The following KCNMB2 variants were observed in gnomAD, a reference collection of about 807,000 sequenced individuals.
KCNMB2 encodes potassium calcium-activated channel subfamily M regulatory beta subunit 2.
KCNMB2 carries 9 observed loss-of-function variants against 24.5 expected under a neutral mutation model. The ratio of observed to expected loss-of-function variants is 0.37; its 90% CI spans 0.22 to 0.64. The LOEUF is 0.64. KCNMB2 is among the 30% of genes least tolerant of loss of function. KCNMB2 has a pLI of 0.63. For synonymous variants in KCNMB2, 109 were observed against 104.4 expected, an observed-to-expected ratio of 1.04 and a Z score of -0.27; for missense variants, 226 against 284.3, an observed-to-expected ratio of 0.79 and a Z score of 1.47.
intron 1 of KCNMB2, among the ~76,000 whole-genome samples, chr3:178,567,225 G>A (rs1269231900): frequency 3.9e-5 from 6 of 152,116 alleles, no homozygotes; most frequent in African/African-American, 1.4e-4. Flanking sequence ...ACATGTGTGA[G>A]AGCGTGTGAG....
chr3:178,757,614 A>G (rs183571682), intron 1 of KCNMB2, among the ~76,000 whole-genome samples: 1 of 47,382 alleles, frequency 2.1e-5, no homozygotes, highest in African/African-American at 9.3e-5. Flanking sequence ...ATGTATATAT[A>G]TCCAAGAGGA....
chr3:178,671,533 G>A (rs4488810), intron 1 of KCNMB2, among the ~76,000 whole-genome samples: 108,473 of 151,972 alleles, frequency 0.71, 39,118 homozygotes, highest in African/African-American at 0.85. Context: ...GTCTCAGAGC[G>A]GCAAGCTCTG....
chr3:178,690,834 G>T (rs184659642), intron 1 of KCNMB2, among the ~76,000 whole-genome samples: 1 of 152,164 alleles, frequency 6.6e-6, no homozygotes, highest in South Asian at 2.1e-4. Context: ...TGCTTCAAAC[G>T]TTTTGGCAGG....
intron 1 of KCNMB2, among the ~76,000 whole-genome samples, chr3:178,758,951 TCTCCAAGAGGG>T (rs1464500303): frequency 1.3e-4 from 2 of 15,106 alleles, no homozygotes; most frequent in African/African-American, 6.2e-4. Context: ...TATATATATA[TCTCCAAGAGGG>T]ATATATATAT....
chr3:178,814,325 T>C (rs1262779610), intron 2 of KCNMB2, among the ~76,000 whole-genome samples: 4 of 152,226 alleles, frequency 2.6e-5, no homozygotes, highest in Admixed American at 1.3e-4. Context: ...TTTCATTCTT[T>C]TTTATGGCTG....
In KCNMB2 at chr3:178,844,328, T is replaced by C. The variant is rs1715530483; in HGVS notation, c.*1391T>C. ...AATCTGATGAAATGGAAAATTATTC[T>C]GCAATATTGTAATTCATAGTTTGAC... On this transcript the variant is annotated 3_prime_UTR_variant, in exon 5 of 5. Transcript: ENST00000452583. The C allele has an allele frequency of 6.6e-6, 1 of 152,518 alleles. No individual in the cohort carries two copies. The highest frequency in any genetic ancestry group is 2.4e-5 in the African/African-American group (1 of 41,462). The allele number at this position is 152,518 out of a possible 1,614,324, so 9.4% of individuals were successfully genotyped here. A position where few individuals can be genotyped will look rare whatever the true frequency, so the allele number is the denominator to read the frequency against.
intron 1 of KCNMB2, among the ~76,000 whole-genome samples, chr3:178,584,285 A>G (rs1260930420): frequency 6.6e-6 from 1 of 152,240 alleles, no homozygotes; most frequent in Non-Finnish European, 1.5e-5. Flanking sequence ...AGGTTGGTGT[A>G]TTAGAGGATT....
chr3:178,568,369 TG>T (rs1487579701), intron 1 of KCNMB2, among the ~76,000 whole-genome samples: 1 of 152,210 alleles, frequency 6.6e-6, no homozygotes, highest in Non-Finnish European at 1.5e-5. Flanking sequence ...CCAGCTTGGA[TG>T]TATGTTCCTG....
chr3:178,690,894 T>C (rs980894657), intron 1 of KCNMB2, among the ~76,000 whole-genome samples: 1 of 152,106 alleles, frequency 6.6e-6, no homozygotes, highest in Non-Finnish European at 1.5e-5. Context: ...TAGCGATCTA[T>C]AGGTCAATTA....
Position 178,759,154 on chromosome 3 carries a change from C to CTCCAAGAGGGATATATATATATATATA in KCNMB2, c.-67-48188_-67-48187insCCAAGAGGGATATATATATATATATAT, listed in dbSNP as rs1560008658. 9.3e-4 allele frequency among the ~76,000 whole-genome samples: 30 copies of CTCCAAGAGGGATATATATATATATATA among 32,282 alleles called. 8 individuals carry two copies. Among genetic ancestry groups the CTCCAAGAGGGATATATATATATATATA allele is most frequent in the African/African-American group, 5.8e-3 (30 of 5,210 alleles). 21.2% of individuals were successfully genotyped at this position (32,282 alleles called of 152,430 possible). A position where few individuals can be genotyped will look rare whatever the true frequency, so the allele number is the denominator to read the frequency against. On this transcript the variant is annotated intron_variant, in intron 1 of 4. Transcript: ENST00000452583. The stretch of plus-strand genomic sequence containing the variant: ...CTCCAAGAGGGATATATATATATAT[C>CTCCAAGAGGGATATATATATATATATA]TATCTCCAAGAGGGATACATATATA...
At chr3:178,652,395 A>T (rs371785285) in intron 1 of KCNMB2, among the ~76,000 whole-genome samples, 1 of 152,042 alleles carries the variant, frequency 6.6e-6, no homozygotes, top group Non-Finnish European at 1.5e-5. Context: ...GCAGCAAACC[A>T]TCATGGCATG....
intron 1 of KCNMB2, among the ~76,000 whole-genome samples, chr3:178,561,893 C>T (rs566985984): frequency 1.4e-4 from 22 of 152,298 alleles, no homozygotes; most frequent in Admixed American, 3.3e-4. Context: ...AAGATTCATA[C>T]AGGGAATTAG....
chr3:178,668,672 C>T (rs890678179), intron 1 of KCNMB2, among the ~76,000 whole-genome samples: 1 of 152,088 alleles, frequency 6.6e-6, no homozygotes, highest in African/African-American at 2.4e-5. Flanking sequence ...AAAACTGAAT[C>T]ACAACTGCTA....
chr3:178,549,314 T>C (rs979871126), intron 1 of KCNMB2, among the ~76,000 whole-genome samples: 2 of 149,924 alleles, frequency 1.3e-5, no homozygotes, highest in African/African-American at 4.9e-5. Flanking sequence ...ATTTTCTTTT[T>C]TTTTTTTTTT....
intron 1 of KCNMB2, among the ~76,000 whole-genome samples, chr3:178,582,991 A>G (rs1215160099): frequency 6.6e-6 from 1 of 152,230 alleles, no homozygotes; most frequent in Non-Finnish European, 1.5e-5. Context: ...AACTTCTGGC[A>G]TAAAATAAGA....
intron 1 of KCNMB2, among the ~76,000 whole-genome samples, chr3:178,674,019 C>T (rs1720990348): frequency 6.6e-6 from 1 of 152,194 alleles, no homozygotes; most frequent in Non-Finnish European, 1.5e-5. Context: ...CCTAGGCCTC[C>T]TTTTCTTTAT....
At chr3:178,565,030 T>A (rs1291156750) in intron 1 of KCNMB2, among the ~76,000 whole-genome samples, 1 of 152,170 alleles carries the variant, frequency 6.6e-6, no homozygotes, top group African/African-American at 2.4e-5. Context: ...TTAGTAATAT[T>A]TCTTAGTATA....
rs1348850218 is a variant in KCNMB2 at position 178,759,815 on chromosome 3, T to C, written c.-67-47528T>C. On this transcript the variant is annotated intron_variant, in intron 1 of 4. Coordinates refer to ENST00000452583, the MANE Select transcript of KCNMB2 (RefSeq NM_181361.3). Reference sequence around the variant, plus strand: ...ATATATATCCAAGAGGATATATCTATATATATATATATCCAAGAGGATATA... The same window carrying C: ...ATATATATCCAAGAGGATATATCTACATATATATATATCCAAGAGGATATA... Among the ~76,000 whole-genome samples the C allele has an allele frequency of 1.4e-4, 2 of 14,302 alleles. 1 individual carries two copies. The highest frequency in any genetic ancestry group is 7.0e-4 in the African/African-American group (2 of 2,872). 9.4% of individuals were successfully genotyped at this position (14,302 alleles called of 152,430 possible). A position where few individuals can be genotyped will look rare whatever the true frequency, so the allele number is the denominator to read the frequency against.
At chr3:178,544,088 T>C (rs576899124) in intron 1 of KCNMB2, among the ~76,000 whole-genome samples, 2 of 152,292 alleles carry the variant, frequency 1.3e-5, no homozygotes, top group African/African-American at 2.4e-5. Context: ...AATAAGTGTT[T>C]CTTGAAAGAA....
Sources: gnomAD v4.1 joint callset for allele counts (sites outside exome capture counted in the v4.1 genomes callset) on GRCh38, gnomAD v4.1.1 for gene constraint, MANE v1.5 for transcripts, NCBI Gene and HGNC (gene_info 2026-07-23, HGNC 2026-07-21) for gene names.